The following TFEC variants were observed in gnomAD, a reference collection of about 807,000 sequenced individuals.
The protein encoded by TFEC is transcription factor EC.
TFEC carries 31 observed loss-of-function variants against 41.6 expected under a neutral mutation model. That is an observed-to-expected ratio of 0.74 (90% CI 0.56 to 1.01). The LOEUF is 1.01. TFEC is among the 50% of genes least tolerant of loss of function. TFEC has a pLI of 0.00. For missense variants in TFEC, 402 were observed against 404.1 expected, an observed-to-expected ratio of 0.99 and a Z score of 0.04; for synonymous variants, 143 against 140.6, an observed-to-expected ratio of 1.02 and a Z score of -0.12.
chr7:115,987,984 G>T (rs150377664), intron 1 of TFEC, among the ~76,000 whole-genome samples: 5 of 151,910 alleles, frequency 3.3e-5, no homozygotes, highest in Admixed American at 1.3e-4. Flanking sequence ...AAATTTTTTG[G>T]TTTTTAAAAC....
rs183193183 is a variant in TFEC at position 115,968,063 on chromosome 7, G to A, written c.267+6107C>T. ...CAATACAGCAGAATATATTTTATGC[G>A]TTTCAAAGCTCAATGTTCACATACC... On this transcript the variant is annotated intron_variant, in intron 3 of 7. Coordinates refer to ENST00000265440, the MANE Select transcript of TFEC (RefSeq NM_012252.4). 9.9e-5 allele frequency: 98 copies of A among 989,822 alleles called. No homozygotes were observed. In the East Asian group the frequency reaches 1.2e-3, roughly 13 times the overall value. 61.3% of individuals were successfully genotyped at this position (989,822 alleles called of 1,614,324 possible).
chr7:115,974,433 TATATATATATATATATAA>T (rs549134403), intron 2 of TFEC, among the ~76,000 whole-genome samples, 177 bp from the exon 3 acceptor site: 1,994 of 61,466 alleles, frequency 0.032, 131 homozygotes, highest in African/African-American at 0.097. Context: ...TATATATATA[TATATATATATATATATAA>T]AAACACAGAT....
chr7:116,073,366 T>A (rs1280608371), intron 3 of TFEC, among the ~76,000 whole-genome samples: 1 of 151,778 alleles, frequency 6.6e-6, no homozygotes, highest in African/African-American at 2.4e-5. Context: ...GTGATAGATA[T>A]GAACATATAA....
intron 3 of TFEC, among the ~76,000 whole-genome samples, chr7:116,069,363 C>G (rs1333540460): frequency 6.6e-6 from 1 of 151,462 alleles, no homozygotes; most frequent in African/African-American, 2.4e-5. Context: ...AAAAAAGGTT[C>G]ATCAGAATTG....
chr7:116,011,010 A>AT (rs1050862765), intron 1 of TFEC, among the ~76,000 whole-genome samples: 10 of 152,154 alleles, frequency 6.6e-5, no homozygotes, highest in African/African-American at 2.4e-4. Flanking sequence ...AACCAGAAGG[A>AT]TTTTTTAAAT....
intron 4 of TFEC, 119 bp from the exon 5 acceptor site, chr7:115,954,761 A>G (rs1792133495): frequency 5.6e-6 from 4 of 708,076 alleles, no homozygotes; most frequent in Non-Finnish European, 8.8e-6. Flanking sequence ...ACGGTACAAT[A>G]ATATTTTTGA....
chr7:116,063,817 T>C (rs915825074), intron 3 of TFEC, among the ~76,000 whole-genome samples: 2 of 152,230 alleles, frequency 1.3e-5, no homozygotes, highest in Non-Finnish European at 2.9e-5. Context: ...TGGGTAAACA[T>C]ACTGCATTTT....
At chr7:116,091,744 A>G (rs1164568796) in intron 3 of TFEC, among the ~76,000 whole-genome samples, 2 of 152,196 alleles carry the variant, frequency 1.3e-5, no homozygotes, top group Non-Finnish European at 2.9e-5. Context: ...AGAATCATTC[A>G]AGGCTGAAAA....
intron 3 of TFEC, among the ~76,000 whole-genome samples, chr7:116,072,167 C>T (rs1796844936): frequency 6.6e-6 from 1 of 151,396 alleles, no homozygotes; most frequent in African/African-American, 2.4e-5. Context: ...ACATTTTAAT[C>T]TCTTTTTTTA....
intron 3 of TFEC, among the ~76,000 whole-genome samples, chr7:116,106,946 C>T (rs1162637425): frequency 6.6e-6 from 1 of 152,124 alleles, no homozygotes; most frequent in Non-Finnish European, 1.5e-5. Context: ...CCATCAGAAA[C>T]AGAATTTCCT....
Position 115,948,648 on chromosome 7 carries a change from AC to A in TFEC, c.515+2225del, listed in dbSNP as rs1159026157. ...AAAAGGCCTTTGACAAAATTCAACAACCCTTCATGCTAAAAACTCTCAATAA... is the reference window on the plus strand; with the variant it reads ...AAAAGGCCTTTGACAAAATTCAACAACCTTCATGCTAAAAACTCTCAATAA... On this transcript the variant is annotated intron_variant, in intron 6 of 7. Coordinates refer to ENST00000265440, the MANE Select transcript of TFEC (RefSeq NM_012252.4). Among the ~76,000 whole-genome samples the A allele has an allele frequency of 4.0e-5, 6 of 151,726 alleles. No homozygotes were observed. In the South Asian group the frequency reaches 1.0e-3, roughly 26 times the overall value.
intron 3 of TFEC, among the ~76,000 whole-genome samples, chr7:116,066,097 T>C (rs765392013): frequency 6.6e-6 from 1 of 152,194 alleles, no homozygotes; most frequent in Non-Finnish European, 1.5e-5. Context: ...CCAAGGAAGA[T>C]GATGCCCTGC....
chr7:116,046,261 T>C (rs897193909), intron 3 of TFEC, among the ~76,000 whole-genome samples: 14 of 152,180 alleles, frequency 9.2e-5, no homozygotes, highest in Admixed American at 9.2e-4. Flanking sequence ...GGTTTGGCTG[T>C]GTCCCCACCC....
intron 1 of TFEC, among the ~76,000 whole-genome samples, chr7:116,021,242 T>G (rs1433250479): frequency 6.6e-6 from 1 of 152,244 alleles, no homozygotes; most frequent in Non-Finnish European, 1.5e-5. Flanking sequence ...CATAGCTTCT[T>G]CTTAAAAAGC....
intron 1 of TFEC, among the ~76,000 whole-genome samples, chr7:115,999,707 T>G (rs1184957050): frequency 6.6e-6 from 1 of 151,930 alleles, no homozygotes; most frequent in Non-Finnish European, 1.5e-5. Context: ...AGCAAGTATA[T>G]GCCAATAAAT....
At chr7:116,033,511 G>A (rs893138157), upstream of TFEC, among the ~76,000 whole-genome samples, 1 of 151,914 alleles carries the variant, frequency 6.6e-6, no homozygotes, top group African/African-American at 2.4e-5. Flanking sequence ...CCTTTTTTCA[G>A]TTGCCTCTGT....
Position 115,955,185 on chromosome 7 carries a change from T to C in TFEC, c.383-543A>G, listed in dbSNP as rs542745163. ...ATGGCACTTCCCTGTATATATGGTG[T>C]GGTTGTATTTATATGACCATCAACC... On this transcript the variant is annotated intron_variant, in intron 4 of 7. Transcript: ENST00000265440. Among the ~76,000 whole-genome samples, 46 of 152,118 alleles carry C rather than the reference T, an allele frequency of 3.0e-4. 2 individuals carry two copies. In the South Asian group the frequency reaches 8.7e-3, roughly 29 times the overall value.
chr7:116,048,008 T>C (rs891661552), intron 3 of TFEC, among the ~76,000 whole-genome samples: 1 of 151,974 alleles, frequency 6.6e-6, no homozygotes, highest in Non-Finnish European at 1.5e-5. Flanking sequence ...AGACCAAAGG[T>C]AGATAAAACC....
At chr7:116,017,807 A>G (rs1308792162) in intron 1 of TFEC, among the ~76,000 whole-genome samples, 2 of 152,100 alleles carry the variant, frequency 1.3e-5, no homozygotes, top group African/African-American at 2.4e-5. Flanking sequence ...TCTTCTAACC[A>G]CTGTTTAAAT....
Sources: allele counts gnomAD v4.1 joint callset (sites outside exome capture counted in the v4.1 genomes callset), GRCh38; gene constraint gnomAD v4.1.1; transcripts MANE v1.5; gene names NCBI Gene and HGNC (gene_info 2026-07-23, HGNC 2026-07-21).